ADAMTS9: variants seen among roughly 807,000 people sequenced by gnomAD.
ADAMTS9 encodes the protein ADAM metallopeptidase with thrombospondin type 1 motif 9.
In ADAMTS9, 107 loss-of-function variants were observed where a neutral mutation model predicts 257.1. The ratio of observed to expected loss-of-function variants is 0.42; its 90% CI spans 0.36 to 0.49. The LOEUF is 0.49. Among genes scored for constraint, ADAMTS9 ranks in the 20% least tolerant of loss-of-function variants. The pLI is 0.03. For missense variants in ADAMTS9, 2,353 were observed against 2,469.1 expected (o/e 0.95, Z 1.00); for synonymous variants, 982 against 880.9 (o/e 1.11, Z -2.03).
At position 64,604,026 on chromosome 3, in the gene ADAMTS9, A is replaced by G. The variant is rs1431580334; in HGVS notation, c.3643T>C (p.Ser1215Pro). The G allele has an allele frequency of 6.2e-7, 1 of 1,613,912 alleles. No homozygotes were observed. Among genetic ancestry groups the G allele is most frequent in the Non-Finnish European group, 8.5e-7 (1 of 1,179,994 alleles). ...GCACAGGCACTCTCGTCAGCCACAG[A>G]GCCATTCTCATCTCGGCAGCTGACG... Reference protein sequence around the residue: ...RYVSCRDENGSVADESACATL... With the variant: ...RYVSCRDENGPVADESACATL... Residue 1215 changes from serine (S) to proline (P), a missense_variant, in exon 25 of 40, where the codon TCT becomes CCT. By Grantham distance (74) the Ser-to-Pro change is moderately conservative (BLOSUM62 -1). This residue lies in a region of ADAMTS9 where 1,402 missense variants were observed against 1,441.4 expected (regional missense o/e 0.97). Coordinates refer to ENST00000498707, the MANE Select transcript of ADAMTS9 (RefSeq NM_182920.2).
chr3:64,579,834 A>G (rs1371212079), intron 28 of ADAMTS9, among the ~76,000 whole-genome samples: 4 of 152,198 alleles, frequency 2.6e-5, no homozygotes, highest in Non-Finnish European at 5.9e-5. Context: ...AACTAGCCAC[A>G]TATTCTTGTG....
At chr3:64,530,577 T>C (rs1022659849) in intron 38 of ADAMTS9, among the ~76,000 whole-genome samples, 13 of 147,688 alleles carry the variant, frequency 8.8e-5, no homozygotes, top group Non-Finnish European at 1.6e-4. Context: ...CATACCCAGC[T>C]CCCTCCAGCC....
At position 64,517,416 on chromosome 3, in the gene ADAMTS9, GTTTTTTTT is replaced by G. The variant is rs755480110; in HGVS notation, c.*6-303_*6-296del. On this transcript the variant is annotated intron_variant, in intron 39 of 39. Coordinates refer to ENST00000498707, the MANE Select transcript of ADAMTS9 (RefSeq NM_182920.2). ...CATCAAGCCCAGCTAATTAAAAATG[GTTTTTTTT>G]TTTTTTTTTTTTTTTGCAGAAATGG... Among the ~76,000 whole-genome samples, 508 of 52,692 alleles carry G rather than the reference GTTTTTTTT, an allele frequency of 9.6e-3. 15 individuals carry two copies. The highest frequency in any genetic ancestry group is 0.025 in the African/African-American group (469 of 19,010). 34.6% of individuals were successfully genotyped at this position (52,692 alleles called of 152,430 possible). A position where few individuals can be genotyped will look rare whatever the true frequency, so the allele number is the denominator to read the frequency against.
chr3:64,666,551 G>T (rs1201323735), intron 3 of ADAMTS9, among the ~76,000 whole-genome samples: 5 of 152,088 alleles, frequency 3.3e-5, no homozygotes, highest in Admixed American at 2.0e-4. Flanking sequence ...GCCAACCCTG[G>T]TTTCCATTCC....
chr3:64,621,280 T>C (rs1700097151), intron 18 of ADAMTS9, 40 bp from the exon 19 acceptor site: 4 of 1,581,756 alleles, frequency 2.5e-6, no homozygotes, highest in Non-Finnish European at 3.4e-6. Flanking sequence ...GGGAAAATAA[T>C]CTATTCCATA....
At chr3:64,649,500 A>G in intron 10 of ADAMTS9, 137 bp downstream of exon 10, 3 of 975,496 alleles carry the variant, frequency 3.1e-6, no homozygotes, top group South Asian at 1.9e-5. Context: ...CATAATTATT[A>G]TGATCACTAA....
chr3:64,569,425 G>C (rs2083623477), intron 28 of ADAMTS9, among the ~76,000 whole-genome samples: 1 of 152,086 alleles, frequency 6.6e-6, no homozygotes, highest in African/African-American at 2.4e-5. Flanking sequence ...TTGCTTTTTA[G>C]AGGGAAATGA....
intron 28 of ADAMTS9, among the ~76,000 whole-genome samples, chr3:64,578,746 A>C (rs1398140343): frequency 2.6e-5 from 4 of 152,024 alleles, no homozygotes; most frequent in Non-Finnish European, 5.9e-5. Context: ...CCATCCTTTC[A>C]CTTGTCCAGT....
chr3:64,637,849 G>C (rs1326220945), intron 12 of ADAMTS9, among the ~76,000 whole-genome samples: 1 of 152,120 alleles, frequency 6.6e-6, no homozygotes, highest in Admixed American at 6.6e-5. Flanking sequence ...TTTCCAAATG[G>C]GGCAGTCTAT....
intron 16 of ADAMTS9, among the ~76,000 whole-genome samples, chr3:64,623,211 G>T (rs914424157): frequency 3.3e-5 from 5 of 152,172 alleles, no homozygotes; most frequent in African/African-American, 1.2e-4. Flanking sequence ...AGGAATGACT[G>T]CAATCACTAG....
At chr3:64,553,105 G>A (rs996657008) in intron 30 of ADAMTS9, among the ~76,000 whole-genome samples, 1 of 151,932 alleles carries the variant, frequency 6.6e-6, no homozygotes, top group Non-Finnish European at 1.5e-5. Context: ...GAATTCAGTG[G>A]CCTTTAGGAC....
At chr3:64,637,026 G>A (rs966860143) in intron 12 of ADAMTS9, among the ~76,000 whole-genome samples, 8 of 152,150 alleles carry the variant, frequency 5.3e-5, no homozygotes, top group African/African-American at 1.9e-4. Context: ...CCTTGAGACA[G>A]GCCTCTTTCC....
chr3:64,532,827 G>A (rs1012224356), intron 38 of ADAMTS9, among the ~76,000 whole-genome samples: 9 of 152,076 alleles, frequency 5.9e-5, no homozygotes, highest in African/African-American at 1.7e-4. Context: ...AGAACGAACC[G>A]CAAGCTGGCT....
chr3:64,658,388 C>T (rs951521986), intron 4 of ADAMTS9, 114 bp downstream of exon 4: 37 of 1,108,222 alleles, frequency 3.3e-5, no homozygotes, highest in Non-Finnish European at 4.6e-5. Flanking sequence ...CAGTCACTTG[C>T]CTGAATGGCT....
chr3:64,561,885 A>G (rs1346316277), intron 29 of ADAMTS9, 134 bp from the exon 30 acceptor site: 2 of 754,924 alleles, frequency 2.6e-6, no homozygotes, highest in African/African-American at 3.5e-5. Flanking sequence ...TCGCTTTCTA[A>G]TTTGCAATGA....
intron 8 of ADAMTS9, among the ~76,000 whole-genome samples, chr3:64,652,897 A>T (rs1308556651): frequency 3.3e-5 from 5 of 152,216 alleles, no homozygotes; most frequent in Non-Finnish European, 5.9e-5. Flanking sequence ...TTCCACACAT[A>T]AATGTGTAAC....
chr3:64,544,949 T>C (rs142844763), intron 32 of ADAMTS9, among the ~76,000 whole-genome samples: 3,138 of 152,202 alleles, frequency 0.021, 39 homozygotes, highest in Non-Finnish European at 0.031. Flanking sequence ...AAGTGGGCGA[T>C]GGATATGAAC....
In ADAMTS9 at chr3:64,551,008, C is replaced by G; in HGVS notation, c.4753G>C (p.Asp1585His). ...GCCCCATGCACCTCGTTTTTGTTGT[C>G]ATCCACACACACCACCTTGCGGTAC... ...SRYRKVVCVDDNKNEVHGARC... is the reference protein window; with the variant it reads ...SRYRKVVCVDHNKNEVHGARC... Residue 1585 changes from aspartate to histidine, a missense_variant, in exon 31 of 40, where the codon GAC (aspartate) becomes CAC (histidine). Asp to His is a moderately conservative substitution (Grantham distance 81). Transcript: ENST00000498707. The G allele has an allele frequency of 6.2e-7, 1 of 1,614,206 alleles. No individual in the cohort carries two copies. The highest frequency in any genetic ancestry group is 1.1e-5 in the South Asian group (1 of 91,084).
intron 3 of ADAMTS9, among the ~76,000 whole-genome samples, chr3:64,659,143 G>T (rs904733629): frequency 1.3e-5 from 2 of 152,184 alleles, no homozygotes; most frequent in African/African-American, 4.8e-5. Flanking sequence ...GATATAGTAA[G>T]GGCCAGTAAC....
Sources: allele counts gnomAD v4.1 joint callset (sites outside exome capture counted in the v4.1 genomes callset), GRCh38; gene constraint gnomAD v4.1.1; regional missense constraint gnomAD v4.1.1; transcripts MANE v1.5; gene names NCBI Gene and HGNC (gene_info 2026-07-23, HGNC 2026-07-21).